The following POU6F2 variants were observed in gnomAD, a reference collection of about 807,000 sequenced individuals.
POU6F2 encodes POU class 6 homeobox 2.
A neutral mutation model predicts 71.3 loss-of-function variants in POU6F2; 31 were observed. That is an observed-to-expected ratio of 0.43 (90% confidence interval 0.33 to 0.59). POU6F2 has a LOEUF of 0.59. Among genes scored for constraint, POU6F2 ranks in the 20% least tolerant of loss-of-function variants. The pLI, the probability that POU6F2 is intolerant of heterozygous loss-of-function variation, is 0.04. For missense variants in POU6F2, 783 were observed against 856.8 expected, an observed-to-expected ratio of 0.91 and a Z score of 1.07; for synonymous variants, 347 against 355.7, an observed-to-expected ratio of 0.98 and a Z score of 0.27.
chr7:39,110,043 G>C (rs1791772505), intron 2 of POU6F2, among the ~76,000 whole-genome samples: 1 of 152,124 alleles, frequency 6.6e-6, no homozygotes, highest in Non-Finnish European at 1.5e-5. Flanking sequence ...GGCCGAGGAG[G>C]GCGGATCACC....
intron 1 of POU6F2, among the ~76,000 whole-genome samples, chr7:39,058,507 T>C (rs574581983): frequency 6.6e-6 from 1 of 152,370 alleles, no homozygotes; most frequent in South Asian, 2.1e-4. Flanking sequence ...GCAATTGTTA[T>C]ACATTTCCGC....
intron 2 of POU6F2, among the ~76,000 whole-genome samples, chr7:39,154,852 G>A (rs1309760852): frequency 6.6e-6 from 1 of 152,134 alleles, no homozygotes; most frequent in Non-Finnish European, 1.5e-5. Context: ...CCAGCAAAAT[G>A]GAGAAGGTGG....
chr7:39,207,270 G>A (rs2128745875), intron 3 of POU6F2, 122 bp from the exon 4 acceptor site: 2 of 818,204 alleles, frequency 2.4e-6, no homozygotes, highest in Non-Finnish European at 3.7e-6. Context: ...AATGAGATAG[G>A]GCATGTTTTT....
chr7:39,205,498 G>A (rs1793992231), intron 3 of POU6F2, among the ~76,000 whole-genome samples: 1 of 151,990 alleles, frequency 6.6e-6, no homozygotes, highest in African/African-American at 2.4e-5. Context: ...TTAAAATGCT[G>A]CAGGCCAAAA....
intron 2 of POU6F2, among the ~76,000 whole-genome samples, chr7:39,180,192 C>T (rs988751627): frequency 2.0e-5 from 3 of 152,070 alleles, no homozygotes; most frequent in African/African-American, 7.2e-5. Flanking sequence ...GCAAATACGC[C>T]CAGGTGTGTA....
At chr7:39,418,905 G>GTGTGTATATATATGTATATATGTATATA (rs1787749044) in intron 6 of POU6F2, among the ~76,000 whole-genome samples, 1 of 147,334 alleles carries the variant, frequency 6.8e-6, no homozygotes. Flanking sequence ...ATGTGTGTGT[G>GTGTGTATATATATGTATATATGTATATA]TGTGTATATA....
intron 5 of POU6F2, among the ~76,000 whole-genome samples, chr7:39,396,017 G>C (rs931505584): frequency 2.0e-5 from 3 of 152,198 alleles, no homozygotes; most frequent in Admixed American, 6.5e-5. Flanking sequence ...TAGGCAATTG[G>C]TAAGAGTAGC....
chr7:39,144,805 ATTC>A (rs1003868990), intron 2 of POU6F2, among the ~76,000 whole-genome samples: 2 of 152,196 alleles, frequency 1.3e-5, no homozygotes, highest in Admixed American at 6.5e-5. Flanking sequence ...CCAAGGGTAT[ATTC>A]TTCTTCCAGG....
intron 2 of POU6F2, among the ~76,000 whole-genome samples, chr7:39,130,280 A>G (rs1207224496): frequency 6.6e-6 from 1 of 152,140 alleles, no homozygotes; most frequent in African/African-American, 2.4e-5. Flanking sequence ...TGAAATTCAT[A>G]TAATTACTCA....
chr7:39,027,679 C>G (rs903950378), intron 1 of POU6F2, among the ~76,000 whole-genome samples: 8 of 152,228 alleles, frequency 5.3e-5, no homozygotes, highest in Non-Finnish European at 1.2e-4. Flanking sequence ...AAACAACCCA[C>G]TGTGAGTTGG....
intron 6 of POU6F2, among the ~76,000 whole-genome samples, chr7:39,421,185 G>A (rs376297985): frequency 6.6e-6 from 1 of 151,928 alleles, no homozygotes; most frequent in African/African-American, 2.4e-5. Context: ...TATGAGTTAC[G>A]GTCTTTGTTG....
intron 2 of POU6F2, among the ~76,000 whole-genome samples, chr7:39,167,131 C>T (rs897462429): frequency 2.0e-4 from 31 of 152,104 alleles, no homozygotes; most frequent in Admixed American, 2.0e-3. Flanking sequence ...TAAAGACAGA[C>T]AGATAATATG....
At chr7:39,330,885 C>T (rs1785632096) in intron 4 of POU6F2, among the ~76,000 whole-genome samples, 1 of 152,206 alleles carries the variant, frequency 6.6e-6, no homozygotes, top group Non-Finnish European at 1.5e-5. Context: ...ACTTACTCCT[C>T]CTATCTAATT....
chr7:38,999,873 T>C lies in POU6F2; in HGVS notation c.105+21815T>C, dbSNP rs188045543. Among the ~76,000 whole-genome samples the C allele has an allele frequency of 6.6e-5, 10 of 152,324 alleles. No homozygotes were observed. The East Asian group carries it at 1.7e-3, about 26-fold the overall frequency. ...ATCAATTCAACAATCAGTCTGGTTATGAGATGTTCCTAGGCACGATGGCAC... is the reference window on the plus strand; with the variant it reads ...ATCAATTCAACAATCAGTCTGGTTACGAGATGTTCCTAGGCACGATGGCAC... On this transcript the variant is annotated intron_variant, in intron 1 of 9. Transcript: ENST00000518318.
chr7:39,360,106 T>C (rs1279806547), intron 5 of POU6F2, among the ~76,000 whole-genome samples: 2 of 152,208 alleles, frequency 1.3e-5, no homozygotes, highest in Non-Finnish European at 2.9e-5. Context: ...GCAAGATTTG[T>C]TTGCAGTGAA....
chr7:39,000,530 GACACACACACAC>G (rs5883670), intron 1 of POU6F2, among the ~76,000 whole-genome samples: 4 of 141,146 alleles, frequency 2.8e-5, no homozygotes, highest in Admixed American at 7.1e-5. Context: ...CATACCCACA[GACACACACACAC>G]ACACACACAC....
chr7:39,294,735 G>A (rs1424961599), intron 4 of POU6F2, among the ~76,000 whole-genome samples: 4 of 152,104 alleles, frequency 2.6e-5, no homozygotes, highest in African/African-American at 9.7e-5. Flanking sequence ...GAGATGGCAG[G>A]ACCTGTGCCA....
At chr7:39,420,599 T>C (rs1463232586) in intron 6 of POU6F2, among the ~76,000 whole-genome samples, 1 of 152,196 alleles carries the variant, frequency 6.6e-6, no homozygotes, top group African/African-American at 2.4e-5. Context: ...ACTACAAACA[T>C]TGCTTAAAAT....
chr7:39,286,637 A>T (rs1784655665), intron 4 of POU6F2, among the ~76,000 whole-genome samples: 2 of 152,226 alleles, frequency 1.3e-5, no homozygotes, highest in Admixed American at 6.5e-5. Flanking sequence ...CTGGAATCTC[A>T]TTCCCTGATG....
Sources: gnomAD v4.1 joint callset for allele counts (sites outside exome capture counted in the v4.1 genomes callset) on GRCh38, gnomAD v4.1.1 for gene constraint, MANE v1.5 for transcripts, NCBI Gene and HGNC (gene_info 2026-07-23, HGNC 2026-07-21) for gene names.